Variants in PIWIL1 observed in about 807,000 individuals in gnomAD.
PIWIL1 encodes piwi like RNA-mediated gene silencing 1, also known as piwi-like protein 1.
Under a neutral mutation model 114.4 loss-of-function variants are expected in PIWIL1, and 73 were observed. That is an observed-to-expected ratio of 0.64 (90% confidence interval 0.53 to 0.78). The LOEUF (loss-of-function observed/expected upper bound fraction) is 0.78. PIWIL1 is among the 30% of genes least tolerant of loss of function. The pLI is 0.00. For synonymous variants in PIWIL1, 375 were observed against 369.0 expected, an observed-to-expected ratio of 1.02 and a Z score of -0.19; for missense variants, 723 against 1,063.1, an observed-to-expected ratio of 0.68 and a Z score of 4.45.
the PIWIL1 span, chr12:130,398,892 G>GGAAAT: frequency 3.6e-6 from 1 of 279,886 alleles, no homozygotes; most frequent in Non-Finnish European, 6.6e-6. Flanking sequence ...GCAAATAGTA[G>GGAAAT]GAAATGATTA....
intron 2 of PIWIL1, 61 bp downstream of exon 2, chr12:130,342,730 G>A: frequency 7.7e-7 from 1 of 1,304,012 alleles, no homozygotes; most frequent in Non-Finnish European, 1.1e-6. Flanking sequence ...AGCCTAGGCT[G>A]TTGAAAATAA....
At chr12:130,377,557 G>A (rs1335532440), downstream of PIWIL1, among the ~76,000 whole-genome samples, 1 of 152,254 alleles carries the variant, frequency 6.6e-6, no homozygotes, top group East Asian at 1.9e-4. Flanking sequence ...GAGAAACCTG[G>A]ATTCTAAATC....
chr12:130,408,837 T>G, the PIWIL1 span, among the ~76,000 whole-genome samples: 2 of 152,196 alleles, frequency 1.3e-5, no homozygotes, highest in Non-Finnish European at 2.9e-5. Flanking sequence ...GCAACTAAAG[T>G]CAGCGATGTG....
the PIWIL1 span, among the ~76,000 whole-genome samples, chr12:130,389,798 T>C: frequency 1.3e-5 from 2 of 152,224 alleles, no homozygotes; most frequent in Non-Finnish European, 2.9e-5. Context: ...ATCTAACATC[T>C]TAAGTTCATT....
At chr12:130,352,016 G>C (rs2073226534) in intron 9 of PIWIL1, among the ~76,000 whole-genome samples, 1 of 152,024 alleles carries the variant, frequency 6.6e-6, no homozygotes, top group African/African-American at 2.4e-5. Context: ...ACTAAACATA[G>C]GGTTGTGTCC....
At chr12:130,399,680 C>G in the PIWIL1 span, 35 of 1,614,096 alleles carry the variant, frequency 2.2e-5, no homozygotes, top group East Asian at 6.9e-4. Flanking sequence ...TTTGCTTACC[C>G]TTTTTGCCTT....
At chr12:130,413,908 G>C in the PIWIL1 span, among the ~76,000 whole-genome samples, 27 of 152,208 alleles carry the variant, frequency 1.8e-4, no homozygotes, top group Non-Finnish European at 3.5e-4. Context: ...ATTTGGGTGT[G>C]TTTGTGTGCA....
downstream of PIWIL1, among the ~76,000 whole-genome samples, chr12:130,374,967 G>A (rs554012232): frequency 1.1e-4 from 17 of 152,190 alleles, no homozygotes; most frequent in South Asian, 3.5e-3. Flanking sequence ...CTTCTCGTCT[G>A]CCAAGGTCTG....
At chr12:130,388,237 C>CCA in the PIWIL1 span, among the ~76,000 whole-genome samples, 1 of 152,178 alleles carries the variant, frequency 6.6e-6, no homozygotes, top group African/African-American at 2.4e-5. Flanking sequence ...CCTCAGCCTC[C>CCA]CGAGTAGCTG....
At chr12:130,417,275 G>A in the PIWIL1 span, among the ~76,000 whole-genome samples, 3,014 of 152,262 alleles carry the variant, frequency 0.02, 53 homozygotes, top group Non-Finnish European at 0.03. Context: ...TCACCAAAAA[G>A]ACACAGGCAC....
chr12:130,372,681 A>AT (rs1378311572), downstream of PIWIL1: 1 of 149,944 alleles, frequency 6.7e-6, no homozygotes, highest in Non-Finnish European at 1.5e-5. Flanking sequence ...TCAGAGTAAA[A>AT]TTTTTTAAGG....
At position 130,345,998 on chromosome 12, in the gene PIWIL1, C is replaced by T. The variant is rs949983916; in HGVS notation, c.316+120C>T. ...GATCCTGCATGGCTTTTCGATTTTC[C>T]TCACTTTCTTTTGGCGTTGATGAAG... On this transcript the variant is annotated intron_variant, in intron 4 of 20. Coordinates refer to ENST00000245255, the MANE Select transcript of PIWIL1 (RefSeq NM_004764.5). The T allele has an allele frequency of 5.8e-6, 6 of 1,041,386 alleles. No individual in the cohort carries two copies. The African/African-American group carries it at 8.4e-5, about 15-fold the overall frequency. 64.5% of individuals were successfully genotyped at this position (1,041,386 alleles called of 1,614,324 possible). A position where few individuals can be genotyped will look rare whatever the true frequency, so the allele number is the denominator to read the frequency against.
At chr12:130,397,288 T>TTGAG in the PIWIL1 span, 4 of 397,802 alleles carry the variant, frequency 1.0e-5, no homozygotes, top group Middle Eastern at 6.3e-4. Flanking sequence ...TAGGAAGTAC[T>TTGAG]TGAGTCATGA....
At chr12:130,355,102 C>T in intron 11 of PIWIL1, 97 bp downstream of exon 11, 2 of 771,220 alleles carry the variant, frequency 2.6e-6, no homozygotes, top group South Asian at 3.1e-5. Context: ...CAGAAAGTAA[C>T]TTTCTCCTTT....
At chr12:130,418,421 G>A in the PIWIL1 span, among the ~76,000 whole-genome samples, 1 of 152,208 alleles carries the variant, frequency 6.6e-6, no homozygotes, top group African/African-American at 2.4e-5. Flanking sequence ...TGCAGCCCCT[G>A]CTCACACCCA....
At chr12:130,402,170 C>A in the PIWIL1 span, among the ~76,000 whole-genome samples, 1 of 152,170 alleles carries the variant, frequency 6.6e-6, no homozygotes, top group African/African-American at 2.4e-5. Context: ...AAAGTGACGA[C>A]GGGACTTGCT....
At chr12:130,398,076 A>C in the PIWIL1 span, 1 of 152,640 alleles carries the variant, frequency 6.6e-6, no homozygotes, top group African/African-American at 2.4e-5. Context: ...CCTTAATTAT[A>C]ATCAAAGAAA....
At chr12:130,341,183 G>A (rs1429282133) in intron 1 of PIWIL1, among the ~76,000 whole-genome samples, 1 of 152,190 alleles carries the variant, frequency 6.6e-6, no homozygotes, top group Non-Finnish European at 1.5e-5. Context: ...AGGACCCTGA[G>A]CAGTCTGCTC....
At chr12:130,397,651 G>A in the PIWIL1 span, 1 of 382,118 alleles carries the variant, frequency 2.6e-6, no homozygotes, top group African/African-American at 2.1e-5. Flanking sequence ...GAAAGGTCAG[G>A]GGGGTTCATT....
Sources: gnomAD v4.1 joint callset for allele counts (sites outside exome capture counted in the v4.1 genomes callset) on GRCh38, gnomAD v4.1.1 for gene constraint, MANE v1.5 for transcripts, NCBI Gene and HGNC (gene_info 2026-07-23, HGNC 2026-07-21) for gene names.